Variants in PLCL1 observed in about 807,000 individuals in gnomAD.
PLCL1 encodes the protein inactive phospholipase C-like protein 1.
Under a neutral mutation model 84.4 loss-of-function variants are expected in PLCL1, and 41 were observed. The observed-to-expected ratio is 0.49, with a 90% CI of 0.38 to 0.63. The LOEUF (loss-of-function observed/expected upper bound fraction) is 0.63. Among genes scored for constraint, PLCL1 ranks in the 30% least tolerant of loss-of-function variants. The pLI, the probability that PLCL1 is intolerant of heterozygous loss-of-function variation, is 0.00. For synonymous variants in PLCL1, 490 were observed against 488.3 expected (o/e 1.00, Z -0.05); for missense variants, 1,206 against 1,367.8 (o/e 0.88, Z 1.87).
chr2:198,116,251 A>G (rs1424357350), intron 5 of PLCL1, among the ~76,000 whole-genome samples: 3 of 151,834 alleles, frequency 2.0e-5, no homozygotes, highest in South Asian at 4.1e-4. Context: ...AGTAGATACA[A>G]TGTGCTCAAA....
intron 5 of PLCL1, among the ~76,000 whole-genome samples, chr2:198,133,347 AGGGGAATACCACACTCT>A (rs1452540972): frequency 7.9e-6 from 1 of 126,568 alleles, no homozygotes; most frequent in African/African-American, 3.0e-5. Context: ...GGACACATGA[AGGGGAATACCACACTCT>A]GGGGACTGTG....
intron 1 of PLCL1, among the ~76,000 whole-genome samples, chr2:198,029,766 T>C (rs553152205): frequency 6.6e-6 from 1 of 150,518 alleles, no homozygotes; most frequent in Admixed American, 6.7e-5. Context: ...AGTGGCGCAA[T>C]CTTGGCTCAC....
intron 1 of PLCL1, among the ~76,000 whole-genome samples, chr2:197,854,370 C>T (rs1687294089): frequency 6.6e-6 from 1 of 152,130 alleles, no homozygotes; most frequent in African/African-American, 2.4e-5. Context: ...CTTCTCTCTG[C>T]CTCAGCCTCA....
At chr2:197,939,492 G>A (rs536974674) in intron 1 of PLCL1, among the ~76,000 whole-genome samples, 29 of 152,198 alleles carry the variant, frequency 1.9e-4, no homozygotes, top group African/African-American at 6.7e-4. Flanking sequence ...TTAGGTGTTG[G>A]CAGGTTTGGT....
In PLCL1 at chr2:197,805,399, C is replaced by CGGGCA; in HGVS notation, c.240+63_240+67dup. On this transcript the variant is annotated intron_variant, in intron 1 of 5. Transcript: ENST00000428675. This position sits in a 1 kb window ranked among gnomAD's most constrained non-coding sequence, Gnocchi z 4.0. ...GTGGGTGATGGGTGGGTCAGGGACC[C>CGGGCA]GGGCAGGATGTGCGGTGTCCGGAGG... The CGGGCA allele has an allele frequency of 7.7e-7, 1 of 1,302,216 alleles. No homozygotes were observed. Among genetic ancestry groups the CGGGCA allele is most frequent in the Non-Finnish European group, 9.7e-7 (1 of 1,029,304 alleles). The allele number at this position is 1,302,216 out of a possible 1,614,324, so 80.7% of individuals were successfully genotyped here.
chr2:197,995,962 G>A (rs1690454230), intron 1 of PLCL1, among the ~76,000 whole-genome samples: 1 of 152,202 alleles, frequency 6.6e-6, no homozygotes, highest in Non-Finnish European at 1.5e-5. Flanking sequence ...ATTTGGGGGA[G>A]AAACAAGTGC....
intron 5 of PLCL1, among the ~76,000 whole-genome samples, chr2:198,135,968 C>T (rs1424472774): frequency 6.6e-6 from 1 of 152,090 alleles, no homozygotes; most frequent in South Asian, 2.1e-4. Context: ...GAGGATGATG[C>T]CTTTTGGGAT....
At chr2:197,838,204 A>G (rs942392160) in intron 1 of PLCL1, among the ~76,000 whole-genome samples, 1 of 152,236 alleles carries the variant, frequency 6.6e-6, no homozygotes, top group African/African-American at 2.4e-5. Context: ...CTAGCTAATC[A>G]TCTTTTAGAG....
At chr2:198,109,174 G>A (rs532241015) in intron 5 of PLCL1, among the ~76,000 whole-genome samples, 1 of 151,952 alleles carries the variant, frequency 6.6e-6, no homozygotes, top group Admixed American at 6.6e-5. Context: ...CAAGGCAGGA[G>A]TGGATTTAGT....
intron 1 of PLCL1, among the ~76,000 whole-genome samples, chr2:197,922,900 G>A (rs7573706): frequency 2.3e-5 from 3 of 131,188 alleles, no homozygotes; most frequent in Admixed American, 7.5e-5. Context: ...GGCCGGGCGG[G>A]GGGCTGACCC....
intron 1 of PLCL1, chr2:197,810,387 T>A: frequency 1.7e-6 from 1 of 575,816 alleles, no homozygotes; most frequent in Non-Finnish European, 2.8e-6. Context: ...TGTTTGCTAC[T>A]ATTATCAGAA....
intron 1 of PLCL1, among the ~76,000 whole-genome samples, chr2:198,044,825 A>G (rs1001433499): frequency 3.9e-5 from 6 of 152,202 alleles, no homozygotes; most frequent in Admixed American, 2.6e-4. Flanking sequence ...ATCATATTAA[A>G]CAACCTTTGT....
chr2:198,041,317 G>A (rs1442586478), intron 1 of PLCL1, among the ~76,000 whole-genome samples: 1 of 152,120 alleles, frequency 6.6e-6, no homozygotes, highest in Admixed American at 6.5e-5. Flanking sequence ...AAATATAATC[G>A]TTGTTATTTT....
rs1242878808 is a variant in PLCL1, at chr2:198,084,149, C to T, written c.632C>T (p.Ala211Val). The stretch of plus-strand genomic sequence containing the variant: ...CTAGTTGCCAATTCAGCAGATGTGG[C>T]AAACATCTGGGTGTCTGGGTTACGG... Reference protein sequence around the residue: ...LDLVANSADVANIWVSGLRYL... With the variant: ...LDLVANSADVVNIWVSGLRYL... The change falls in exon 2 of 6, where the codon GCA becomes GTA. Residue 211 changes from alanine (A) to valine (V), a missense_variant. By Grantham distance (64) the Ala-to-Val change is moderately conservative. Transcript: ENST00000428675. 1 of 1,613,972 alleles carries T rather than the reference C, an allele frequency of 6.2e-7. No individual in the cohort carries two copies. Among genetic ancestry groups the T allele is most frequent in the Non-Finnish European group, 8.5e-7 (1 of 1,179,988 alleles).
At chr2:197,978,458 A>G (rs1266098038) in intron 1 of PLCL1, among the ~76,000 whole-genome samples, 1 of 152,230 alleles carries the variant, frequency 6.6e-6, no homozygotes, top group Non-Finnish European at 1.5e-5. Flanking sequence ...AGCCTGGTCG[A>G]CAGAGGGAGA....
At chr2:197,873,610 A>T (rs1303371239) in intron 1 of PLCL1, among the ~76,000 whole-genome samples, 1 of 152,172 alleles carries the variant, frequency 6.6e-6, no homozygotes, top group African/African-American at 2.4e-5. Context: ...CCTGGGACTC[A>T]TGAGTCACAA....
In PLCL1 at chr2:197,859,139, A is replaced by G. The variant is rs187485874; in HGVS notation, c.240+53800A>G. ...GTAGATTCCATTGCTTGATAGAATG[A>G]GCTGCAAAGAAATGTGGCTGTTTAT... On this transcript the variant is annotated intron_variant, in intron 1 of 5. Transcript: ENST00000428675. 4.0e-4 allele frequency among the ~76,000 whole-genome samples: 61 copies of G among 151,316 alleles called. 1 individual carries two copies. In the East Asian group the frequency reaches 0.01, roughly 26 times the overall value.
chr2:198,075,390 T>G (rs1692555118), intron 1 of PLCL1, among the ~76,000 whole-genome samples: 1 of 152,244 alleles, frequency 6.6e-6, no homozygotes, highest in Admixed American at 6.5e-5. Flanking sequence ...CCTTTATTGT[T>G]GTCACCCTCA....
chr2:198,057,457 G>A (rs1375940366), intron 1 of PLCL1, among the ~76,000 whole-genome samples: 3 of 151,966 alleles, frequency 2.0e-5, no homozygotes, highest in African/African-American at 7.2e-5. Flanking sequence ...GGCAGGTATT[G>A]TCATGCCCAT....
Sources: allele counts gnomAD v4.1 joint callset (sites outside exome capture counted in the v4.1 genomes callset), GRCh38; gene constraint gnomAD v4.1.1; non-coding constraint Gnocchi (gnomAD v3.1); transcripts MANE v1.5; gene names NCBI Gene and HGNC (gene_info 2026-07-23, HGNC 2026-07-21).